The following TMEM179 variants were observed in gnomAD, a reference collection of about 807,000 sequenced individuals.
TMEM179 encodes the protein transmembrane protein 179A.
Under a neutral mutation model 22.2 loss-of-function variants are expected in TMEM179, and 17 were observed. That is an observed-to-expected ratio of 0.77 (90% CI 0.52 to 1.15). TMEM179 has a LOEUF of 1.15. TMEM179 is among the 50% of genes most tolerant of loss of function. TMEM179 has a pLI of 0.00. For synonymous variants in TMEM179, 127 were observed against 140.5 expected (o/e 0.90, Z 0.68); for missense variants, 265 against 313.6 (o/e 0.84, Z 1.17).
At chr14:104,596,854 G>T in intron 2 of TMEM179, 136 bp downstream of exon 2, 1 of 1,142,958 alleles carries the variant, frequency 8.7e-7, no homozygotes, top group Non-Finnish European at 1.2e-6. Flanking sequence ...CACAGGCAGG[G>T]GCACAGTGCA....
rs911854522 is a variant in TMEM179, at chr14:104,604,067, G to A, written c.305+370C>T. On this transcript the variant is annotated intron_variant, in intron 1 of 3. Transcript: ENST00000556573. The surrounding 1 kb of genome is among the most constrained non-coding windows in gnomAD (Gnocchi z 4.6). ...GAGAGCTCAGTGCAAGCCCTAGACC[G>A]GGCTGGGAGTTGTCGCCGGTCCTGG... Among the ~76,000 whole-genome samples the A allele has an allele frequency of 2.0e-5, 3 of 152,228 alleles. No homozygotes were observed. The highest frequency in any genetic ancestry group is 1.3e-4 in the Admixed American group (2 of 15,294).
chr14:104,593,964 A>T, intron 3 of TMEM179: 1 of 1,018,820 alleles, frequency 9.8e-7, no homozygotes, highest in East Asian at 3.3e-5. Context: ...GAGGAGGGGC[A>T]GTGGCCAGTG....
chr14:104,604,489 C>T lies in TMEM179; in HGVS notation c.253G>A (p.Ala85Thr). Residue 85 changes from alanine to threonine, a missense_variant, in exon 1 of 4, where the codon GCC becomes ACC. By Grantham distance (58) the Ala-to-Thr change is moderately conservative. Coordinates refer to ENST00000556573, the MANE Select transcript of TMEM179 (RefSeq NM_001286389.2). This position sits in a 1 kb window ranked among gnomAD's most constrained non-coding sequence, Gnocchi z 4.6. The stretch of plus-strand genomic sequence containing the variant: ...AGCGTGCGCCAGGCGTGCGCGGCGG[C>T]CAGCAGCAGAGACAGGAGGCTGGCG... ...LLASLLSLLL[A>T]AAHAWRTLFF... 1 of 1,580,046 alleles carries T rather than the reference C, an allele frequency of 6.3e-7. No individual in the cohort carries two copies. The highest frequency in any genetic ancestry group is 8.6e-7 in the Non-Finnish European group (1 of 1,165,938).
intron 3 of TMEM179, 126 bp from the exon 4 acceptor site, chr14:104,593,784 G>A (rs1202758524): frequency 2.7e-6 from 3 of 1,128,900 alleles, no homozygotes; most frequent in East Asian, 5.6e-5. Context: ...GAGGAGGCCG[G>A]GGACATGGGG....
chr14:104,598,122 T>C (rs1887101932), intron 1 of TMEM179, among the ~76,000 whole-genome samples: 1 of 152,092 alleles, frequency 6.6e-6, no homozygotes, highest in Non-Finnish European at 1.5e-5. Flanking sequence ...CCTGCAAACG[T>C]CCATCATCTC....
rs891197386 is a variant in TMEM179 at position 104,593,432 on chromosome 14, G to A, written c.*47C>T. On this transcript the variant is annotated 3_prime_UTR_variant, in exon 4 of 4. Coordinates refer to ENST00000556573, the MANE Select transcript of TMEM179 (RefSeq NM_001286389.2). ...CTTCCCCAGGCAGGCCCGTGCCCCCGAGCGCAGCAGGGAGGTCGGGGCCAG... is the reference window on the plus strand; with the variant it reads ...CTTCCCCAGGCAGGCCCGTGCCCCCAAGCGCAGCAGGGAGGTCGGGGCCAG... The A allele has an allele frequency of 1.8e-5, 28 of 1,534,182 alleles. No homozygotes were observed. Among genetic ancestry groups the A allele is most frequent in the African/African-American group, 1.2e-4 (9 of 73,022 alleles).
In TMEM179 at chr14:104,595,945, T is replaced by C. The variant is rs999815563; in HGVS notation, c.444-702A>G. Among the ~76,000 whole-genome samples the C allele has an allele frequency of 1.3e-5, 2 of 152,178 alleles. No homozygotes were observed. The highest frequency in any genetic ancestry group is 4.8e-5 in the African/African-American group (2 of 41,444). ...GGAGGGGCTGAAGGGCTGGAAACAG[T>C]GTCTGTGAGGCCAAGGAAACTTTGC... On this transcript the variant is annotated intron_variant, in intron 2 of 3. Transcript: ENST00000556573. The surrounding 1 kb of genome is among the most constrained non-coding windows in gnomAD (Gnocchi z 5.7).
chr14:104,593,464 C>G lies in TMEM179; in HGVS notation c.*15G>C, dbSNP rs145527478. 15 of 1,535,886 alleles carry G rather than the reference C, an allele frequency of 9.8e-6. No individual in the cohort carries two copies. Among genetic ancestry groups the G allele is most frequent in the Middle Eastern group, 3.3e-4 (2 of 6,012 alleles). Reference sequence around the variant, plus strand: ...GCAGGGAGGTCGGGGCCAGCTCCCCCTGCCTGCACTGTGCCTAAATGACAG... The same window carrying G: ...GCAGGGAGGTCGGGGCCAGCTCCCCGTGCCTGCACTGTGCCTAAATGACAG... On this transcript the variant is annotated 3_prime_UTR_variant, in exon 4 of 4. Transcript: ENST00000556573.
rs927564231 is a variant in TMEM179, at chr14:104,604,534, C to A, written c.208G>T (p.Ala70Ser). Residue 70 changes from alanine to serine, a missense_variant, in exon 1 of 4, where the codon GCC becomes TCC. Transcript: ENST00000556573. The surrounding 1 kb of genome is among the most constrained non-coding windows in gnomAD (Gnocchi z 4.6). ...FTVQEWGPPA[A>S]CRFSLLASLL... ...CTGGCGAGCAGGCTGAAGCGGCAGG[C>A]GGCCGGCGGGCCCCACTCCTGCACC... The A allele has an allele frequency of 1.3e-6, 2 of 1,540,580 alleles. No homozygotes were observed. The highest frequency in any genetic ancestry group is 1.2e-5 in the South Asian group (1 of 82,208).
intron 1 of TMEM179, among the ~76,000 whole-genome samples, chr14:104,602,970 A>AGTGGGCCCT (rs1282790120): frequency 6.6e-6 from 1 of 152,208 alleles, no homozygotes; most frequent in Non-Finnish European, 1.5e-5. Flanking sequence ...CTGAGTTTAG[A>AGTGGGCCCT]GTGGGCCCTG....
chr14:104,594,896 C>G, intron 3 of TMEM179: 7 of 997,570 alleles, frequency 7.0e-6, no homozygotes, highest in East Asian at 6.8e-5. Context: ...CCCCACACTT[C>G]CCACCCCAGA....
intron 3 of TMEM179, chr14:104,594,276 G>A (rs560646400): frequency 1.6e-6 from 2 of 1,231,806 alleles, no homozygotes; most frequent in South Asian, 4.1e-5. Context: ...TCTCGGCAAA[G>A]AGCATTCAGG....
In TMEM179 at chr14:104,595,658, G is replaced by A. The variant is rs1382694053; in HGVS notation, c.444-415C>T. Among the ~76,000 whole-genome samples the A allele has an allele frequency of 6.6e-6, 1 of 152,218 alleles. No homozygotes were observed. Among genetic ancestry groups the A allele is most frequent in the Admixed American group, 6.5e-5 (1 of 15,292 alleles). On this transcript the variant is annotated intron_variant, in intron 2 of 3. Transcript: ENST00000556573. The surrounding 1 kb of genome is among the most constrained non-coding windows in gnomAD (Gnocchi z 5.7). ...CTGCCCCCCATGCCCCACACTCTGA[G>A]GGTCACAGGGTCTCAGAGGCAGGAG...
At chr14:104,599,067 G>A (rs556885315) in intron 1 of TMEM179, among the ~76,000 whole-genome samples, 6 of 152,168 alleles carry the variant, frequency 3.9e-5, no homozygotes, top group Non-Finnish European at 7.3e-5. Context: ...AAAGAGCAGC[G>A]GCAAAAGTTC....
chr14:104,598,243 G>A (rs928196888), intron 1 of TMEM179, among the ~76,000 whole-genome samples: 7 of 152,214 alleles, frequency 4.6e-5, no homozygotes, highest in African/African-American at 1.7e-4. Context: ...GATAGGGACT[G>A]TCCCTCCAGT....
rs751381578 is a variant in TMEM179, at chr14:104,595,884, T to C, written c.444-641A>G. On this transcript the variant is annotated intron_variant, in intron 2 of 3. Coordinates refer to ENST00000556573, the MANE Select transcript of TMEM179 (RefSeq NM_001286389.2). The surrounding 1 kb of genome is among the most constrained non-coding windows in gnomAD (Gnocchi z 5.7). ...CCAGGACACATTGACAGGAGCAGGG[T>C]GCCAGAAAGAGGGGGCCCAGCGGCC... Among the ~76,000 whole-genome samples, 32 of 152,158 alleles carry C rather than the reference T, an allele frequency of 2.1e-4. No homozygotes were observed. Among genetic ancestry groups the C allele is most frequent in the Middle Eastern group, 6.3e-3 (2 of 316 alleles).
Position 104,593,447 on chromosome 14 carries a change from G to A in TMEM179, c.*32C>T. On this transcript the variant is annotated 3_prime_UTR_variant, in exon 4 of 4. Coordinates refer to ENST00000556573, the MANE Select transcript of TMEM179 (RefSeq NM_001286389.2). ...CCGTGCCCCCGAGCGCAGCAGGGAG[G>A]TCGGGGCCAGCTCCCCCTGCCTGCA... 1.3e-6 allele frequency: 2 copies of A among 1,535,796 alleles called. No homozygotes were observed. Among genetic ancestry groups the A allele is most frequent in the Non-Finnish European group, 8.7e-7 (1 of 1,146,648 alleles).
At chr14:104,600,621 T>C (rs1008791516) in intron 1 of TMEM179, among the ~76,000 whole-genome samples, 1 of 151,404 alleles carries the variant, frequency 6.6e-6, no homozygotes, top group Non-Finnish European at 1.5e-5. Context: ...TACTCATTCA[T>C]TCATTCATTC....
In TMEM179 at chr14:104,604,233, G is replaced by A. The variant is rs1447637826; in HGVS notation, c.305+204C>T. On this transcript the variant is annotated intron_variant, in intron 1 of 3. Transcript: ENST00000556573. The surrounding 1 kb of genome is among the most constrained non-coding windows in gnomAD (Gnocchi z 4.6). ...GGGAGGGGAGGCACTGGCCTTGTAC[G>A]CAGGACCGGTGGTCGTCATGGTCCC... Among the ~76,000 whole-genome samples, 1 of 152,206 alleles carries A rather than the reference G, an allele frequency of 6.6e-6. No homozygotes were observed. Among genetic ancestry groups the A allele is most frequent in the Non-Finnish European group, 1.5e-5 (1 of 68,030 alleles).
Sources: gnomAD v4.1 joint callset for allele counts (sites outside exome capture counted in the v4.1 genomes callset) on GRCh38, gnomAD v4.1.1 for gene constraint, Gnocchi (gnomAD v3.1) non-coding constraint, MANE v1.5 for transcripts, NCBI Gene and HGNC (gene_info 2026-07-23, HGNC 2026-07-21) for gene names.